ABLIM1: variants seen among roughly 807,000 people sequenced by gnomAD.
ABLIM1 encodes the protein actin-binding LIM protein 1.
In ABLIM1, 40 loss-of-function variants were observed where a neutral mutation model predicts 107.0. That is an observed-to-expected ratio of 0.37 (90% confidence interval 0.29 to 0.49). The LOEUF is 0.49. Ranked by LOEUF, ABLIM1 falls within the 20% of genes least tolerant of loss-of-function variation. The pLI, the probability that ABLIM1 is intolerant of heterozygous loss-of-function variation, is 0.97. For missense variants in ABLIM1, 857 were observed against 1,008.5 expected (o/e 0.85, Z 2.04); for synonymous variants, 357 against 357.3 (o/e 1.00, Z 0.01).
chr10:114,580,187 A>AATATTATATATTAT (rs375442818), intron 2 of ABLIM1, among the ~76,000 whole-genome samples: 17 of 147,294 alleles, frequency 1.2e-4, no homozygotes, highest in African/African-American at 4.2e-4. Flanking sequence ...CCTTTATTTT[A>AATATTATATATTAT]ATATTATATA....
intron 1 of ABLIM1, among the ~76,000 whole-genome samples, chr10:114,644,074 G>T (rs1321984450): frequency 6.6e-6 from 1 of 151,116 alleles, no homozygotes; most frequent in African/African-American, 2.4e-5. Flanking sequence ...AAGGTCAGGA[G>T]ATAGAGACCA....
At chr10:114,633,361 T>C (rs1238198438) in intron 1 of ABLIM1, among the ~76,000 whole-genome samples, 1 of 152,150 alleles carries the variant, frequency 6.6e-6, no homozygotes, top group East Asian at 1.9e-4. Context: ...TGGGCAGGTC[T>C]TCATTGCTGG....
chr10:114,491,393 A>G, intron 7 of ABLIM1, among the ~76,000 whole-genome samples: 1 of 152,168 alleles, frequency 6.6e-6, no homozygotes, highest in Non-Finnish European at 1.5e-5. Context: ...AAAAGGAGAA[A>G]AAAAGTAGCC....
At chr10:114,685,706 T>A (rs1457297526), upstream of ABLIM1, among the ~76,000 whole-genome samples, 1 of 152,258 alleles carries the variant, frequency 6.6e-6, no homozygotes, top group Non-Finnish European at 1.5e-5. Flanking sequence ...AGCTGTCATG[T>A]GTCAGCTGCT....
In ABLIM1 at chr10:114,503,501, A is replaced by C. The variant is rs1217205826; in HGVS notation, c.895-11623T>G. Among the ~76,000 whole-genome samples the C allele has an allele frequency of 3.3e-5, 5 of 152,158 alleles. No individual in the cohort carries two copies. In the East Asian group the frequency reaches 9.6e-4, roughly 29 times the overall value. ...TGTACTGAATAGTGTTGCTATGAAA[A>C]TTCCTGCCCATGTCTTTTGGTAAAT... On this transcript the variant is annotated intron_variant, in intron 6 of 22. Transcript: ENST00000533213.
chr10:114,479,185 T>C (rs1487598261), intron 8 of ABLIM1, among the ~76,000 whole-genome samples: 2 of 152,190 alleles, frequency 1.3e-5, no homozygotes, highest in Admixed American at 6.5e-5. Flanking sequence ...AATGAGAGGA[T>C]GCATATAAAG....
chr10:114,798,998 C>T, the ABLIM1 span, among the ~76,000 whole-genome samples: 2 of 152,014 alleles, frequency 1.3e-5, no homozygotes, highest in Non-Finnish European at 2.9e-5. Flanking sequence ...GTGGGTCTCA[C>T]CATATTGGCC....
intron 8 of ABLIM1, among the ~76,000 whole-genome samples, chr10:114,486,117 A>AGAATGG (rs917100681): frequency 2.6e-5 from 4 of 152,240 alleles, no homozygotes; most frequent in Non-Finnish European, 5.9e-5. Context: ...CCTCTTGGCC[A>AGAATGG]GAATGGGTGG....
chr10:114,489,199 G>C (rs1454502245), intron 7 of ABLIM1, among the ~76,000 whole-genome samples: 2 of 152,032 alleles, frequency 1.3e-5, no homozygotes, highest in Non-Finnish European at 2.9e-5. Flanking sequence ...TGTACTTTTA[G>C]TAAAGACAGG....
chr10:114,496,240 GC>G (rs929030125), intron 6 of ABLIM1, among the ~76,000 whole-genome samples: 1 of 152,158 alleles, frequency 6.6e-6, no homozygotes, highest in African/African-American at 2.4e-5. Flanking sequence ...TTACATCAAG[GC>G]CCCATGTGGC....
intron 1 of ABLIM1, among the ~76,000 whole-genome samples, chr10:114,672,531 G>A (rs995352178): frequency 3.3e-5 from 5 of 152,114 alleles, no homozygotes; most frequent in African/African-American, 1.2e-4. Context: ...ATATGAGTAT[G>A]TTTTCAGAAA....
upstream of ABLIM1, among the ~76,000 whole-genome samples, chr10:114,661,314 A>G (rs2079788080): frequency 6.6e-6 from 1 of 152,218 alleles, no homozygotes; most frequent in Admixed American, 6.5e-5. Context: ...GAGAGGGATG[A>G]GAGTTCAGAT....
At position 114,748,753 on chromosome 10, in the gene ABLIM1, C is replaced by T. The variant is rs1055101176; in HGVS notation, c.-213+19308G>A. On this transcript the variant is annotated intron_variant, in intron 1 of 15. Transcript: ENST00000651092. ...CTCAGTGCAGCCTCAAACTCCTAGG[C>T]TCTAGCAACCCTCCTGTCTCAGCCT... 4.6e-5 allele frequency among the ~76,000 whole-genome samples: 7 copies of T among 151,214 alleles called. No homozygotes were observed. In the East Asian group the frequency reaches 1.4e-3, roughly 29 times the overall value.
At chr10:114,559,019 A>G (rs1305261928) in intron 4 of ABLIM1, among the ~76,000 whole-genome samples, 16 of 151,968 alleles carry the variant, frequency 1.1e-4, no homozygotes, top group Non-Finnish European at 1.5e-5. Context: ...ATATATTCTT[A>G]ACTTCAAAAT....
At chr10:114,744,006 T>C (rs1454657727) in intron 1 of ABLIM1, among the ~76,000 whole-genome samples, 1 of 152,214 alleles carries the variant, frequency 6.6e-6, no homozygotes, top group East Asian at 1.9e-4. Flanking sequence ...CCACCAGGAA[T>C]GCAGCCTGTA....
intron 1 of ABLIM1, among the ~76,000 whole-genome samples, chr10:114,723,239 G>A (rs1374896950): frequency 6.6e-6 from 1 of 152,184 alleles, no homozygotes; most frequent in Non-Finnish European, 1.5e-5. Flanking sequence ...CTTAGGTGAG[G>A]ACCAGAATCT....
At chr10:114,720,931 C>T (rs1159815817) in intron 1 of ABLIM1, among the ~76,000 whole-genome samples, 1 of 152,174 alleles carries the variant, frequency 6.6e-6, no homozygotes, top group Non-Finnish European at 1.5e-5. Flanking sequence ...TTATTCCCAG[C>T]AGTGGCTTAG....
chr10:114,668,710 C>G (rs1234375966), intron 1 of ABLIM1, among the ~76,000 whole-genome samples: 1 of 151,978 alleles, frequency 6.6e-6, no homozygotes, highest in Non-Finnish European at 1.5e-5. Context: ...AAAAGTAGAG[C>G]CATTTAGATA....
At chr10:114,445,173 G>T in intron 16 of ABLIM1, 139 bp downstream of exon 16, 1 of 710,634 alleles carries the variant, frequency 1.4e-6, no homozygotes. Context: ...GTCTTGCCTT[G>T]CCTGCCAGAT....
Sources: allele counts gnomAD v4.1 joint callset (sites outside exome capture counted in the v4.1 genomes callset), GRCh38; gene constraint gnomAD v4.1.1; transcripts MANE v1.5; gene names NCBI Gene and HGNC (gene_info 2026-07-23, HGNC 2026-07-21).